MAT1A: variants seen among roughly 807,000 people sequenced by gnomAD.
The protein encoded by MAT1A is methionine adenosyltransferase 1A.
MAT1A carries 19 observed loss-of-function variants against 44.0 expected under a neutral mutation model. The observed-to-expected ratio is 0.43, with a 90% CI of 0.30 to 0.63. The LOEUF (loss-of-function observed/expected upper bound fraction) is 0.63, where lower values mean the gene tolerates loss of function less well. Among genes scored for constraint, MAT1A ranks in the 30% least tolerant of loss-of-function variants. MAT1A has a pLI of 0.12. For missense variants in MAT1A, 397 were observed against 531.0 expected (o/e 0.75, Z 2.48); for synonymous variants, 205 against 205.6 (o/e 1.00, Z 0.03).
At chr10:80,275,429 G>A in intron 6 of MAT1A, 1 of 591,484 alleles carries the variant, frequency 1.7e-6, no homozygotes. Flanking sequence ...AGCAAGTGCA[G>A]AAGGTGGGCC....
intron 3 of MAT1A, among the ~76,000 whole-genome samples, chr10:80,283,130 G>C (rs1841590823): frequency 6.6e-6 from 1 of 152,250 alleles, no homozygotes; most frequent in African/African-American, 2.4e-5. Context: ...ATTGGGGCCA[G>C]AGCCCTGCCC....
In MAT1A at chr10:80,289,609, G is replaced by A. The variant is rs1169605419; in HGVS notation, c.-186C>T. 1 of 646,708 alleles carries A rather than the reference G, an allele frequency of 1.5e-6. No homozygotes were observed. The allele number at this position is 646,708 out of a possible 1,614,324, so 40.1% of individuals were successfully genotyped here. On this transcript the variant is annotated 5_prime_UTR_variant, in exon 1 of 9. Transcript: ENST00000372213. ...GAGAACAGGCGAGGACTGCTGAGAA[G>A]GGAGGGAGTGGATGGAACACGGGAT...
intron 5 of MAT1A, among the ~76,000 whole-genome samples, chr10:80,278,671 G>C (rs1443531694): frequency 6.6e-6 from 1 of 152,246 alleles, no homozygotes; most frequent in Non-Finnish European, 1.5e-5. Flanking sequence ...TTGGGCATAA[G>C]CACACTTCCC....
In MAT1A at chr10:80,272,035, T is replaced by G. The variant is rs1231686273; in HGVS notation, c.*1746A>C. The G allele has an allele frequency of 6.6e-6, 1 of 152,150 alleles. No individual in the cohort carries two copies. Among genetic ancestry groups the G allele is most frequent in the Non-Finnish European group, 1.5e-5 (1 of 68,018 alleles). 9.4% of individuals were successfully genotyped at this position (152,150 alleles called of 1,614,324 possible). On this transcript the variant is annotated 3_prime_UTR_variant, in exon 9 of 9. Coordinates refer to ENST00000372213, the MANE Select transcript of MAT1A (RefSeq NM_000429.3). ...CCCTCCATGGGAAGGAATCTGAGGC[T>G]TCCTAGGTGACCAGGAGCCGGGCTT...
intron 5 of MAT1A, among the ~76,000 whole-genome samples, chr10:80,277,403 A>T (rs1159508627): frequency 6.6e-6 from 1 of 152,114 alleles, no homozygotes; most frequent in Admixed American, 6.5e-5. Context: ...TCTGTATCAA[A>T]CTCCTACTCT....
Position 80,278,093 on chromosome 10 carries a change from A to C in MAT1A, c.550-1499T>G, listed in dbSNP as rs533605553. On this transcript the variant is annotated intron_variant, in intron 5 of 8. Coordinates refer to ENST00000372213, the MANE Select transcript of MAT1A (RefSeq NM_000429.3). ...GAGCAAGCCAGGCTGTTCGCAGGCCAGCTGGCGAGGGGCCTCCTGGAGCCC... is the reference window on the plus strand; with the variant it reads ...GAGCAAGCCAGGCTGTTCGCAGGCCCGCTGGCGAGGGGCCTCCTGGAGCCC... 3.1e-4 allele frequency among the ~76,000 whole-genome samples: 47 copies of C among 152,348 alleles called. 1 individual carries two copies. The South Asian group carries it at 3.5e-3, about 11-fold the overall frequency.
At position 80,289,501 on chromosome 10, in the gene MAT1A, CTT is replaced by C; in HGVS notation, c.-80_-79del. ...GACTTTGCCTGAGTTTTTTTTTCTT[CTT>C]CTTCTTCTTCTTTCAACCCAACAGG... On this transcript the variant is annotated 5_prime_UTR_variant, in exon 1 of 9. Coordinates refer to ENST00000372213, the MANE Select transcript of MAT1A (RefSeq NM_000429.3). 1.0e-6 allele frequency: 1 copy of C among 1,004,920 alleles called. No homozygotes were observed. The highest frequency in any genetic ancestry group is 1.6e-6 in the Non-Finnish European group (1 of 633,782). 62.3% of individuals were successfully genotyped at this position (1,004,920 alleles called of 1,614,324 possible).
chr10:80,273,355 T>G lies in MAT1A; in HGVS notation c.*426A>C. The G allele has an allele frequency of 3.8e-6, 1 of 263,082 alleles. No individual in the cohort carries two copies. The highest frequency in any genetic ancestry group is 7.5e-6 in the Non-Finnish European group (1 of 133,962). The allele number at this position is 263,082 out of a possible 1,614,324, so 16.3% of individuals were successfully genotyped here. A position where few individuals can be genotyped will look rare whatever the true frequency, so the allele number is the denominator to read the frequency against. ...ACCCTGGCTCAGGGCACTGGCTGCC[T>G]GTGAAAGGGGGGTCCAGGAGCCCAG... On this transcript the variant is annotated 3_prime_UTR_variant, in exon 9 of 9. Coordinates refer to ENST00000372213, the MANE Select transcript of MAT1A (RefSeq NM_000429.3).
chr10:80,278,365 C>G lies in MAT1A; in HGVS notation c.550-1771G>C, dbSNP rs142277646. Among the ~76,000 whole-genome samples the G allele has an allele frequency of 6.2e-4, 94 of 151,898 alleles. 1 individual carries two copies. Among genetic ancestry groups the G allele is most frequent in the African/African-American group, 2.0e-3 (81 of 41,484 alleles). ...CAGTAGGTGGTCCCTCTGTTCCTCT[C>G]TCTTGCACAAGGAAGAGAAAAAACA... On this transcript the variant is annotated intron_variant, in intron 5 of 8. Transcript: ENST00000372213.
intron 5 of MAT1A, among the ~76,000 whole-genome samples, chr10:80,277,281 A>G (rs923325763): frequency 2.0e-5 from 3 of 152,152 alleles, no homozygotes; most frequent in Non-Finnish European, 2.9e-5. Flanking sequence ...GACTGCTCCC[A>G]TCCCAGGGCC....
At chr10:80,285,712 CTTTTT>C in intron 1 of MAT1A, 123 bp from the exon 2 acceptor site, 1 of 711,794 alleles carries the variant, frequency 1.4e-6, no homozygotes, top group Non-Finnish European at 2.5e-6. Context: ...AGGGAAAACA[CTTTTT>C]TTAAGTATAA....
At position 80,283,820 on chromosome 10, in the gene MAT1A, G is replaced by A. The variant is rs2236569; in HGVS notation, c.292+96C>T. 0.71 allele frequency: 1,102,885 copies of A among 1,561,168 alleles called. 395,853 individuals are homozygous for A. The highest frequency in any genetic ancestry group is 0.94 in the African/African-American group (69,438 of 73,948). On this transcript the variant is annotated intron_variant, in intron 3 of 8. Transcript: ENST00000372213. Reference sequence around the variant, plus strand: ...GTGTTTTCCTCCTGGTAGTATTGATGCTCCCATCGGGCTGAAAGGCACGGG... The same window carrying A: ...GTGTTTTCCTCCTGGTAGTATTGATACTCCCATCGGGCTGAAAGGCACGGG...
intron 3 of MAT1A, 102 bp downstream of exon 3, chr10:80,283,814 A>G: frequency 1.3e-6 from 2 of 1,556,214 alleles, no homozygotes. Context: ...TCCTGGTAGT[A>G]TTGATGCTCC....
At chr10:80,279,369 G>A (rs960443901) in intron 5 of MAT1A, among the ~76,000 whole-genome samples, 3 of 151,414 alleles carry the variant, frequency 2.0e-5, no homozygotes, top group African/African-American at 2.4e-5. Context: ...TGCTGCACAC[G>A]GCAGGCTCTC....
At chr10:80,277,730 C>T (rs770223618) in intron 5 of MAT1A, among the ~76,000 whole-genome samples, 21 of 152,152 alleles carry the variant, frequency 1.4e-4, no homozygotes, top group Non-Finnish European at 2.6e-4. Context: ...GTGACTCCAC[C>T]CCCACCCGGC....
At chr10:80,274,392 A>G (rs1841451594) in intron 8 of MAT1A, 128 bp downstream of exon 8, 10 of 1,333,874 alleles carry the variant, frequency 7.5e-6, no homozygotes, top group Non-Finnish European at 5.3e-6. Context: ...TGCTGTACCA[A>G]GAGCTCACAG....
In MAT1A at chr10:80,273,464, T is replaced by A; in HGVS notation, c.*317A>T. ...GGGAGGGAGGGGGAGCTGGTCAGGG[T>A]CCAGCTGTTGGGGGAGACGAGTGAG... On this transcript the variant is annotated 3_prime_UTR_variant, in exon 9 of 9. Transcript: ENST00000372213. 1 of 371,392 alleles carries A rather than the reference T, an allele frequency of 2.7e-6. No homozygotes were observed. 23.0% of individuals were successfully genotyped at this position (371,392 alleles called of 1,614,324 possible).
At chr10:80,276,277 AC>A (rs1841484621) in intron 6 of MAT1A, 98 bp downstream of exon 6, 10 of 1,223,460 alleles carry the variant, frequency 8.2e-6, no homozygotes, top group Non-Finnish European at 1.2e-5. Flanking sequence ...GAGTCAGCTG[AC>A]CCCCTCCAAG....
intron 1 of MAT1A, among the ~76,000 whole-genome samples, chr10:80,287,558 G>A (rs1001824098): frequency 1.2e-4 from 18 of 152,182 alleles, no homozygotes; most frequent in African/African-American, 4.3e-4. Context: ...TGGCTGGCAC[G>A]TTCATTCTCA....
Sources: allele counts gnomAD v4.1 joint callset (sites outside exome capture counted in the v4.1 genomes callset), GRCh38; gene constraint gnomAD v4.1.1; transcripts MANE v1.5; gene names NCBI Gene and HGNC (gene_info 2026-07-23, HGNC 2026-07-21).